The following RAB28 variants were observed in gnomAD, a reference collection of about 807,000 sequenced individuals.
RAB28 encodes ras-related protein Rab-28.
A neutral mutation model predicts 31.7 loss-of-function variants in RAB28; 24 were observed. That is an observed-to-expected ratio of 0.76 (90% CI 0.55 to 1.06). RAB28 has a LOEUF of 1.06. Among genes scored for constraint, RAB28 ranks in the 50% least tolerant of loss-of-function variants. RAB28 has a pLI of 0.00. For missense variants in RAB28, 254 were observed against 258.5 expected (o/e 0.98, Z 0.12); for synonymous variants, 100 against 90.4 (o/e 1.11, Z -0.60).
At chr4:13,386,909 T>C (rs1394050026) in intron 4 of RAB28, among the ~76,000 whole-genome samples, 1 of 152,102 alleles carries the variant, frequency 6.6e-6, no homozygotes, top group East Asian at 1.9e-4. Flanking sequence ...TAGAATACTA[T>C]ACAGCCATGA....
intron 3 of RAB28, among the ~76,000 whole-genome samples, chr4:13,468,173 C>T (rs1458411814): frequency 6.6e-6 from 1 of 151,888 alleles, no homozygotes; most frequent in African/African-American, 2.4e-5. Context: ...GAGTTGAAGA[C>T]TTTTTTCATT....
intron 4 of RAB28, among the ~76,000 whole-genome samples, chr4:13,409,406 A>C (rs1180580246): frequency 6.6e-6 from 1 of 152,230 alleles, no homozygotes; most frequent in Non-Finnish European, 1.5e-5. Context: ...TTAGTTGTTA[A>C]CAAGAACTAG....
At chr4:13,425,929 A>G (rs1323228539) in intron 4 of RAB28, among the ~76,000 whole-genome samples, 1 of 152,184 alleles carries the variant, frequency 6.6e-6, no homozygotes, top group Non-Finnish European at 1.5e-5. Flanking sequence ...TTGAGGTACT[A>G]CTTCCTGCAT....
intron 4 of RAB28, among the ~76,000 whole-genome samples, chr4:13,447,289 C>T (rs997178331): frequency 7.7e-4 from 117 of 152,226 alleles, no homozygotes; most frequent in African/African-American, 2.8e-3. Flanking sequence ...GAAGGCTTTC[C>T]ATCTCACTTG....
chr4:13,409,222 TA>T lies in RAB28; in HGVS notation c.392-27629del, dbSNP rs1427569758. Among the ~76,000 whole-genome samples, 5 of 152,070 alleles carry T rather than the reference TA, an allele frequency of 3.3e-5. No homozygotes were observed. In the East Asian group the frequency reaches 9.6e-4, roughly 29 times the overall value. ...AAAATACATTACCTCTGATAGTAAATAATCATGAAAAAACAAGACACTGAAA... is the reference window on the plus strand; with the variant it reads ...AAAATACATTACCTCTGATAGTAAATATCATGAAAAAACAAGACACTGAAA... On this transcript the variant is annotated intron_variant, in intron 4 of 6. Coordinates refer to ENST00000330852, the MANE Select transcript of RAB28 (RefSeq NM_001017979.3).
chr4:13,399,013 G>A (rs1277562924), intron 4 of RAB28, among the ~76,000 whole-genome samples: 1 of 152,026 alleles, frequency 6.6e-6, no homozygotes, highest in Non-Finnish European at 1.5e-5. Context: ...CTATTCTATA[G>A]GCATTTTACA....
intron 4 of RAB28, among the ~76,000 whole-genome samples, chr4:13,419,007 T>G (rs1233744364): frequency 2.6e-5 from 4 of 151,940 alleles, no homozygotes; most frequent in Non-Finnish European, 5.9e-5. Context: ...AGGAGACCCA[T>G]CTCACGTGCA....
intron 3 of RAB28, among the ~76,000 whole-genome samples, chr4:13,468,438 T>A (rs2108966925): frequency 6.6e-6 from 1 of 151,866 alleles, no homozygotes; most frequent in South Asian, 2.1e-4. Flanking sequence ...CTTTAAAAAC[T>A]CAAAGTATGT....
chr4:13,452,328 T>C (rs531116970), intron 4 of RAB28, among the ~76,000 whole-genome samples: 4 of 152,100 alleles, frequency 2.6e-5, no homozygotes, highest in African/African-American at 9.6e-5. Context: ...TGGGTTTGGT[T>C]TGTCCTTGCA....
At chr4:13,459,281 T>C (rs1042744123) in intron 4 of RAB28, among the ~76,000 whole-genome samples, 3 of 152,154 alleles carry the variant, frequency 2.0e-5, no homozygotes, top group Non-Finnish European at 4.4e-5. Flanking sequence ...TTCCTTGCAC[T>C]TCAACTTGCA....
At chr4:13,421,496 C>T (rs1326163627) in intron 4 of RAB28, among the ~76,000 whole-genome samples, 2 of 152,176 alleles carry the variant, frequency 1.3e-5, no homozygotes, top group African/African-American at 4.8e-5. Context: ...TGCTACCTGA[C>T]TTCAAACTAT....
intron 4 of RAB28, among the ~76,000 whole-genome samples, chr4:13,387,293 A>G (rs1364878559): frequency 1.3e-5 from 2 of 152,124 alleles, no homozygotes; most frequent in African/African-American, 4.8e-5. Context: ...GACAATGGAA[A>G]TCTAAGCATC....
intron 4 of RAB28, among the ~76,000 whole-genome samples, chr4:13,424,554 A>C (rs1373547030): frequency 1.3e-5 from 2 of 152,218 alleles, no homozygotes; most frequent in Non-Finnish European, 2.9e-5. Context: ...ACCCACAGGT[A>C]CTAGTGGCTA....
At chr4:13,389,922 G>C (rs367947211) in intron 4 of RAB28, among the ~76,000 whole-genome samples, 172 of 152,216 alleles carry the variant, frequency 1.1e-3, no homozygotes, top group African/African-American at 3.9e-3. Context: ...AACAATAAGA[G>C]CTATTTATGA....
At position 13,406,292 on chromosome 4, in the gene RAB28, G is replaced by T. The variant is rs563143793; in HGVS notation, c.392-24698C>A. On this transcript the variant is annotated intron_variant, in intron 4 of 6. Transcript: ENST00000330852. Reference sequence around the variant, plus strand: ...CTCTGTTAGTTTGCTGAGAATGATGGTTTCCAGCTTCATCCATGTCCCTGC... The same window carrying T: ...CTCTGTTAGTTTGCTGAGAATGATGTTTTCCAGCTTCATCCATGTCCCTGC... Among the ~76,000 whole-genome samples the T allele has an allele frequency of 2.6e-4, 39 of 152,204 alleles. No homozygotes were observed. In the East Asian group the frequency reaches 7.1e-3, roughly 28 times the overall value.
intron 3 of RAB28, among the ~76,000 whole-genome samples, chr4:13,469,961 G>C (rs1160889699): frequency 6.6e-6 from 1 of 152,022 alleles, no homozygotes; most frequent in Non-Finnish European, 1.5e-5. Flanking sequence ...AAAGCACTGG[G>C]ATTACAGGAA....
At chr4:13,402,701 T>C (rs981554010) in intron 4 of RAB28, among the ~76,000 whole-genome samples, 1 of 152,156 alleles carries the variant, frequency 6.6e-6, no homozygotes, top group Non-Finnish European at 1.5e-5. Flanking sequence ...TATATTTTAA[T>C]TGATATATTT....
intron 4 of RAB28, among the ~76,000 whole-genome samples, chr4:13,421,842 C>A (rs1269413060): frequency 6.6e-6 from 1 of 151,908 alleles, no homozygotes; most frequent in Non-Finnish European, 1.5e-5. Context: ...CAGGCATGGG[C>A]AAGGACTTCG....
intron 4 of RAB28, among the ~76,000 whole-genome samples, 178 bp from the exon 5 acceptor site, chr4:13,381,772 A>G (rs1219510375): frequency 3.3e-5 from 5 of 152,174 alleles, no homozygotes; most frequent in Admixed American, 3.3e-4. Flanking sequence ...TAAACTGGGA[A>G]TAATAAATAT....
Sources: allele counts gnomAD v4.1 joint callset (sites outside exome capture counted in the v4.1 genomes callset), GRCh38; gene constraint gnomAD v4.1.1; transcripts MANE v1.5; gene names NCBI Gene and HGNC (gene_info 2026-07-23, HGNC 2026-07-21).